The following CCDC90B variants were observed in gnomAD, a reference collection of about 807,000 sequenced individuals.
CCDC90B encodes coiled-coil domain-containing protein 90B, mitochondrial.
In CCDC90B, 24 loss-of-function variants were observed where a neutral mutation model predicts 37.0. That is an observed-to-expected ratio of 0.65 (90% CI 0.47 to 0.91). CCDC90B has a LOEUF of 0.91. CCDC90B is among the 40% of genes least tolerant of loss of function. The pLI is 0.00. For missense variants in CCDC90B, 319 were observed against 299.0 expected, an observed-to-expected ratio of 1.07 and a Z score of -0.49; for synonymous variants, 113 against 101.1, an observed-to-expected ratio of 1.12 and a Z score of -0.71.
At chr11:83,274,938 C>CTA (rs1007496166) in intron 3 of CCDC90B, among the ~76,000 whole-genome samples, 198 bp from the exon 4 acceptor site, 3 of 151,982 alleles carry the variant, frequency 2.0e-5, no homozygotes, top group African/African-American at 4.8e-5. Flanking sequence ...AAAGGATTTC[C>CTA]TAGTGAAGAG....
chr11:83,267,874 C>T lies in CCDC90B; in HGVS notation c.595-1895G>A, dbSNP rs182523139. Among the ~76,000 whole-genome samples, 8 of 152,240 alleles carry T rather than the reference C, an allele frequency of 5.3e-5. No individual in the cohort carries two copies. In the East Asian group the frequency reaches 1.4e-3, roughly 26 times the overall value. The stretch of plus-strand genomic sequence containing the variant: ...CAGCCAGAAAGAAAGGTCAAGTTAC[C>T]CACAAAGGGAAGCCCATCAGACTAA... On this transcript the variant is annotated intron_variant, in intron 7 of 8. Transcript: ENST00000529689.
chr11:83,262,750 T>C (rs1864000282), intron 8 of CCDC90B, among the ~76,000 whole-genome samples: 1 of 152,214 alleles, frequency 6.6e-6, no homozygotes, highest in African/African-American at 2.4e-5. Flanking sequence ...CCCCATTTGA[T>C]CCTACTACTT....
intron 1 of CCDC90B, chr11:83,285,341 G>A: frequency 8.4e-7 from 1 of 1,185,034 alleles, no homozygotes; most frequent in South Asian, 1.6e-5. Flanking sequence ...CAACAGGTTG[G>A]AAACTTGTGG....
intron 7 of CCDC90B, among the ~76,000 whole-genome samples, chr11:83,268,429 C>CAAAA (rs140579518): frequency 2.8e-5 from 4 of 144,390 alleles, no homozygotes. Flanking sequence ...AAATGGAAAG[C>CAAAA]AAAAAAAAAA....
chr11:83,262,861 G>A (rs898251065), intron 8 of CCDC90B, among the ~76,000 whole-genome samples: 5 of 152,130 alleles, frequency 3.3e-5, no homozygotes, highest in African/African-American at 7.2e-5. Flanking sequence ...AGAGTTTCTT[G>A]TCTTACAGCC....
intron 1 of CCDC90B, among the ~76,000 whole-genome samples, chr11:83,283,919 G>A (rs972852330): frequency 2.6e-5 from 4 of 152,056 alleles, no homozygotes; most frequent in Non-Finnish European, 4.4e-5. Context: ...CCGAGATGGC[G>A]CCAAGGCACA....
intron 3 of CCDC90B, among the ~76,000 whole-genome samples, chr11:83,278,132 C>T (rs554572740): frequency 6.6e-6 from 1 of 152,314 alleles, no homozygotes; most frequent in African/African-American, 2.4e-5. Flanking sequence ...TTTCTCTGAG[C>T]CTGTCTTCAG....
intron 4 of CCDC90B, 28 bp downstream of exon 4, chr11:83,274,611 A>G: frequency 7.4e-7 from 1 of 1,345,220 alleles, no homozygotes; most frequent in Non-Finnish European, 1.0e-6. Flanking sequence ...CAGTTATTTT[A>G]TAAGTAATAA....
rs576760978 is a variant in CCDC90B, at chr11:83,259,256, T to C, written c.*2655A>G. On this transcript the variant is annotated 3_prime_UTR_variant, in exon 9 of 9. Coordinates refer to ENST00000529689, the MANE Select transcript of CCDC90B (RefSeq NM_021825.5). ...AATAGAGGTATAGTTTTAAGGCATA[T>C]AGAAACACAATCCTCTCATCCTTAT... 1 of 152,264 alleles carries C rather than the reference T, an allele frequency of 6.6e-6. No individual in the cohort carries two copies. The highest frequency in any genetic ancestry group is 1.9e-4 in the East Asian group (1 of 5,188). The allele number at this position is 152,264 out of a possible 1,614,324, so 9.4% of individuals were successfully genotyped here.
chr11:83,279,825 T>A (rs115813481), intron 2 of CCDC90B, among the ~76,000 whole-genome samples: 5,157 of 152,188 alleles, frequency 0.034, 192 homozygotes, highest in African/African-American at 0.092. Flanking sequence ...GCTTTTTTTT[T>A]ATTTTTTAAT....
chr11:83,266,328 G>C (rs572945626), intron 7 of CCDC90B, among the ~76,000 whole-genome samples: 302 of 152,302 alleles, frequency 2.0e-3, no homozygotes, highest in Non-Finnish European at 3.5e-3. Context: ...AAGCGCAAGG[G>C]GTCAGCGGAT....
intron 1 of CCDC90B, chr11:83,285,057 T>C (rs576257601): frequency 6.2e-5 from 61 of 988,576 alleles, no homozygotes; most frequent in African/African-American, 6.1e-4. Flanking sequence ...ATGAGCAAAA[T>C]AGCACAAGTA....
chr11:83,284,528 A>G (rs1332587797), intron 1 of CCDC90B, among the ~76,000 whole-genome samples: 1 of 152,222 alleles, frequency 6.6e-6, no homozygotes, highest in African/African-American at 2.4e-5. Flanking sequence ...TAGAATAACT[A>G]AGGTCCTTCC....
intron 1 of CCDC90B, among the ~76,000 whole-genome samples, chr11:83,283,373 C>A (rs1479723303): frequency 1.3e-5 from 2 of 152,214 alleles, no homozygotes; most frequent in Non-Finnish European, 2.9e-5. Flanking sequence ...TAGGCATGGG[C>A]TGCCTTTGCT....
rs764820458 is a variant in CCDC90B at position 83,278,838 on chromosome 11, A to G, written c.221-9T>C. The G allele has an allele frequency of 2.6e-6, 4 of 1,562,088 alleles. No homozygotes were observed. The highest frequency in any genetic ancestry group is 1.7e-4 in the Middle Eastern group (1 of 5,914). On this transcript the variant is annotated splice_polypyrimidine_tract_variant and intron_variant, in intron 2 of 8. Transcript: ENST00000529689. ...TTGTGTTTTGTCAAATCCTGTAGGCAGCAAATAGGTATTTTATTTTTTTTA... is the reference window on the plus strand; with the variant it reads ...TTGTGTTTTGTCAAATCCTGTAGGCGGCAAATAGGTATTTTATTTTTTTTA...
At position 83,280,142 on chromosome 11, in the gene CCDC90B, A is replaced by G. The variant is rs1865299246; in HGVS notation, c.219T>C (p.His73=). The change falls in exon 2 of 9, where the codon CAT becomes CAC. Residue 73 remains histidine (H), a splice_region_variant and synonymous_variant. Transcript: ENST00000529689. ...TCAGGAGGTATCCATGTTTCTCACCATGAGTTTCCAAGTCCTGAACCAATG... is the reference window on the plus strand; with the variant it reads ...TCAGGAGGTATCCATGTTTCTCACCGTGAGTTTCCAAGTCCTGAACCAATG... ...THALVQDLET[H]GFDKTQAETI... 5 of 1,609,992 alleles carry G rather than the reference A, an allele frequency of 3.1e-6. No individual in the cohort carries two copies. The highest frequency in any genetic ancestry group is 3.4e-6 in the Non-Finnish European group (4 of 1,179,296).
Position 83,285,980 on chromosome 11 carries a change from G to C in CCDC90B, c.-8C>G. On this transcript the variant is annotated 5_prime_UTR_variant, in exon 1 of 9. Transcript: ENST00000529689. ...AGCCTGGCGACTATTCATGTCCTCA[G>C]AGTTTTCCGGTGGGAGGGAGGCGGA... The C allele has an allele frequency of 1.2e-6, 2 of 1,606,470 alleles. No individual in the cohort carries two copies. The highest frequency in any genetic ancestry group is 1.7e-6 in the Non-Finnish European group (2 of 1,176,444).
intron 7 of CCDC90B, among the ~76,000 whole-genome samples, chr11:83,267,926 C>T (rs1356348918): frequency 1.3e-5 from 2 of 152,214 alleles, no homozygotes; most frequent in Non-Finnish European, 2.9e-5. Context: ...AGAAACCCTA[C>T]AAGCCAGAAG....
chr11:83,285,773 G>A (rs1349123077), intron 1 of CCDC90B, 100 bp downstream of exon 1: 3 of 1,488,590 alleles, frequency 2.0e-6, no homozygotes, highest in African/African-American at 2.8e-5. Context: ...GGAGGAGGGC[G>A]TGGCACCTTC....
Sources: allele counts gnomAD v4.1 joint callset (sites outside exome capture counted in the v4.1 genomes callset), GRCh38; gene constraint gnomAD v4.1.1; transcripts MANE v1.5; gene names NCBI Gene and HGNC (gene_info 2026-07-23, HGNC 2026-07-21).